SPAG16: variants seen among roughly 807,000 people sequenced by gnomAD.
SPAG16 encodes the protein sperm associated antigen 16.
A neutral mutation model predicts 80.4 loss-of-function variants in SPAG16; 86 were observed. The observed-to-expected ratio is 1.07, with a 90% CI of 0.90 to 1.28. The LOEUF (loss-of-function observed/expected upper bound fraction) is 1.28. SPAG16 is among the 50% of genes most tolerant of loss of function. The pLI is 0.00. For missense variants in SPAG16, 870 were observed against 765.3 expected (o/e 1.14, Z -1.61); for synonymous variants, 294 against 265.9 (o/e 1.11, Z -1.03).
intron 15 of SPAG16, chr2:214,240,310 A>G (rs1056079774): frequency 1.3e-5 from 2 of 152,200 alleles, no homozygotes; most frequent in African/African-American, 4.8e-5. Flanking sequence ...AAGTCAAATA[A>G]TTCAAATGCT....
At chr2:214,005,253 CTATT>C (rs2046977888) in intron 12 of SPAG16, among the ~76,000 whole-genome samples, 1 of 152,152 alleles carries the variant, frequency 6.6e-6, no homozygotes, top group African/African-American at 2.4e-5. Context: ...TTTCAGTTGA[CTATT>C]TAACAAGGCT....
At chr2:213,413,631 C>A (rs893892010) in intron 9 of SPAG16, among the ~76,000 whole-genome samples, 1 of 152,086 alleles carries the variant, frequency 6.6e-6, no homozygotes, top group Admixed American at 6.5e-5. Context: ...GCACTTGTAG[C>A]ACAGACTAGT....
chr2:213,458,495 C>T (rs1428678267), intron 9 of SPAG16, among the ~76,000 whole-genome samples: 2 of 152,124 alleles, frequency 1.3e-5, no homozygotes, highest in Non-Finnish European at 2.9e-5. Flanking sequence ...TCGCTTGAAT[C>T]CAGGAGGCGG....
chr2:213,352,804 A>G (rs73988002), intron 7 of SPAG16, among the ~76,000 whole-genome samples: 123 of 152,356 alleles, frequency 8.1e-4, no homozygotes, highest in African/African-American at 2.9e-3. Context: ...TATCTTTATT[A>G]TCTGCAACTG....
chr2:214,341,813 A>G (rs13395940), intron 15 of SPAG16, among the ~76,000 whole-genome samples: 46,344 of 152,042 alleles, frequency 0.3, 7,537 homozygotes, highest in East Asian at 0.47. Context: ...CCTCTTAATT[A>G]AACAGGAAAC....
Position 214,185,726 on chromosome 2 carries a change from C to T in SPAG16, c.1720+36460C>T, listed in dbSNP as rs373032832. Among the ~76,000 whole-genome samples the T allele has an allele frequency of 7.9e-5, 12 of 152,146 alleles. No homozygotes were observed. The South Asian group carries it at 2.1e-3, about 26-fold the overall frequency. ...TTGGAGACCTGTCCAAGTGTGCCTG[C>T]GTAGTCTGTGACAAAGGGGCAAAGG... On this transcript the variant is annotated intron_variant, in intron 15 of 15. Coordinates refer to ENST00000331683, the MANE Select transcript of SPAG16 (RefSeq NM_024532.5).
intron 15 of SPAG16, among the ~76,000 whole-genome samples, chr2:214,333,376 C>A (rs564080317): frequency 1.3e-5 from 2 of 152,228 alleles, no homozygotes; most frequent in African/African-American, 2.4e-5. Flanking sequence ...GCCACCCTGG[C>A]TACCCACTCT....
At chr2:213,701,796 A>C (rs900443956) in intron 10 of SPAG16, among the ~76,000 whole-genome samples, 1 of 151,616 alleles carries the variant, frequency 6.6e-6, no homozygotes, top group Non-Finnish European at 1.5e-5. Context: ...ACCAATCAGC[A>C]CTCTGTGTCT....
chr2:213,836,135 T>C (rs2074058583), intron 10 of SPAG16, among the ~76,000 whole-genome samples: 2 of 150,476 alleles, frequency 1.3e-5, no homozygotes, highest in South Asian at 4.2e-4. Flanking sequence ...TTATCTCTAA[T>C]AACCAATTCA....
At chr2:213,731,502 G>T (rs1241856022) in intron 10 of SPAG16, among the ~76,000 whole-genome samples, 1 of 151,308 alleles carries the variant, frequency 6.6e-6, no homozygotes, top group East Asian at 1.9e-4. Flanking sequence ...AAGTTCAGGG[G>T]TACATGTGCA....
chr2:213,509,441 G>A (rs918822488), intron 10 of SPAG16, among the ~76,000 whole-genome samples: 3 of 152,090 alleles, frequency 2.0e-5, no homozygotes, highest in Non-Finnish European at 4.4e-5. Flanking sequence ...AACAAGGAAG[G>A]AAAAGAAATA....
intron 10 of SPAG16, among the ~76,000 whole-genome samples, chr2:213,852,855 C>A (rs10498015): frequency 0.35 from 53,390 of 152,040 alleles, 9,674 homozygotes; most frequent in South Asian, 0.45. Flanking sequence ...AGGCTATAAA[C>A]ACATATTTGC....
intron 7 of SPAG16, among the ~76,000 whole-genome samples, chr2:213,350,950 C>A (rs1280758017): frequency 2.2e-4 from 32 of 146,192 alleles, no homozygotes; most frequent in Admixed American, 8.4e-4. Context: ...ATGGTGAAAA[C>A]CTGTCTCTAC....
intron 9 of SPAG16, among the ~76,000 whole-genome samples, chr2:213,417,303 T>C (rs1424835502): frequency 6.6e-6 from 1 of 152,236 alleles, no homozygotes; most frequent in African/African-American, 2.4e-5. Context: ...GGGGGATACA[T>C]GAATGTTATC....
chr2:213,313,140 C>T (rs1475735471), intron 4 of SPAG16, among the ~76,000 whole-genome samples: 3 of 151,772 alleles, frequency 2.0e-5, no homozygotes, highest in African/African-American at 7.2e-5. Flanking sequence ...GACTCTTCTA[C>T]ATAACATAAA....
intron 15 of SPAG16, among the ~76,000 whole-genome samples, chr2:214,166,416 C>T (rs1361185974): frequency 6.6e-6 from 1 of 152,140 alleles, no homozygotes; most frequent in African/African-American, 2.4e-5. Context: ...CCTCCACGCC[C>T]CCGGGCTCGG....
At chr2:213,983,747 G>A (rs929625428) in intron 12 of SPAG16, among the ~76,000 whole-genome samples, 1 of 151,898 alleles carries the variant, frequency 6.6e-6, no homozygotes, top group Non-Finnish European at 1.5e-5. Context: ...TCAACATTAT[G>A]TATTGTGTAC....
intron 13 of SPAG16, among the ~76,000 whole-genome samples, chr2:214,051,375 A>T (rs990682434): frequency 6.6e-6 from 1 of 152,228 alleles, no homozygotes; most frequent in Admixed American, 6.5e-5. Context: ...CTAATGCTTC[A>T]CATTAGGAAT....
rs368339870 is a variant in SPAG16 at position 214,225,069 on chromosome 2, T to C, written c.1720+75803T>C. Among the ~76,000 whole-genome samples, 8 of 152,160 alleles carry C rather than the reference T, an allele frequency of 5.3e-5. No individual in the cohort carries two copies. In the East Asian group the frequency reaches 1.5e-3, roughly 29 times the overall value. Reference sequence around the variant, plus strand: ...AATAAGGTAACATTTAAGCCATGCATATAGAAGAGAGCAGCAAGAACAAAC... The same window carrying C: ...AATAAGGTAACATTTAAGCCATGCACATAGAAGAGAGCAGCAAGAACAAAC... On this transcript the variant is annotated intron_variant, in intron 15 of 15. Coordinates refer to ENST00000331683, the MANE Select transcript of SPAG16 (RefSeq NM_024532.5).
Sources: gnomAD v4.1 joint callset for allele counts (sites outside exome capture counted in the v4.1 genomes callset) on GRCh38, gnomAD v4.1.1 for gene constraint, MANE v1.5 for transcripts, NCBI Gene and HGNC (gene_info 2026-07-23, HGNC 2026-07-21) for gene names.